Variants in SLC35F4 observed in about 807,000 individuals in gnomAD.
SLC35F4 encodes solute carrier family 35 member F4.
A neutral mutation model predicts 44.2 loss-of-function variants in SLC35F4; 24 were observed. That is an observed-to-expected ratio of 0.54 (90% CI 0.39 to 0.76). SLC35F4 has a LOEUF of 0.76. SLC35F4 is among the 30% of genes least tolerant of loss of function. SLC35F4 has a pLI of 0.00. For missense variants in SLC35F4, 562 were observed against 586.1 expected (o/e 0.96, Z 0.42); for synonymous variants, 238 against 223.6 (o/e 1.06, Z -0.57).
intron 1 of SLC35F4, among the ~76,000 whole-genome samples, chr14:57,852,899 T>C (rs1194129660): frequency 6.6e-6 from 1 of 152,126 alleles, no homozygotes; most frequent in African/African-American, 2.4e-5. Flanking sequence ...CATAAAGAAT[T>C]CTTCTTATGT....
chr14:57,880,048 GGAAGGAAGGAAGGAAGGAAGGA>G (rs1888493913), intron 1 of SLC35F4, among the ~76,000 whole-genome samples: 1 of 13,858 alleles, frequency 7.2e-5, no homozygotes, highest in African/African-American at 3.3e-4. Context: ...AAGGAAGGAA[GGAAGGAAGGAAGGAAGGAAGGA>G]AGGAAGGAAG....
chr14:57,762,193 A>C (rs1270868396), intron 1 of SLC35F4, among the ~76,000 whole-genome samples: 2 of 152,172 alleles, frequency 1.3e-5, no homozygotes, highest in Non-Finnish European at 2.9e-5. Flanking sequence ...GAAAACATGA[A>C]ACGCTGCCTC....
chr14:57,609,925 C>A lies in SLC35F4; in HGVS notation c.104-15801G>T, dbSNP rs561429826. 2.6e-5 allele frequency among the ~76,000 whole-genome samples: 4 copies of A among 152,268 alleles called. No individual in the cohort carries two copies. The East Asian group carries it at 7.7e-4, about 29-fold the overall frequency. On this transcript the variant is annotated intron_variant, in intron 1 of 7. Transcript: ENST00000556826. The stretch of plus-strand genomic sequence containing the variant: ...TTCCTAGCCTCCAGGAAACTGGCTG[C>A]CACATGCTCCCAGCCTCCAGGACTA...
rs1443659774 is a variant in SLC35F4 at position 57,726,652 on chromosome 14, CCTT to C, written c.104-132531_104-132529del. 3.9e-5 allele frequency among the ~76,000 whole-genome samples: 6 copies of C among 152,046 alleles called. No homozygotes were observed. In the East Asian group the frequency reaches 1.2e-3, roughly 29 times the overall value. On this transcript the variant is annotated intron_variant, in intron 1 of 7. Transcript: ENST00000556826. ...TATATTATTTTAGGTGTGATTGTGA[CCTT>C]ATTATTGTCTTTATTCAATGATTAT...
chr14:57,875,366 T>C (rs1888377919), intron 1 of SLC35F4, among the ~76,000 whole-genome samples: 3 of 152,212 alleles, frequency 2.0e-5, no homozygotes, highest in Admixed American at 2.0e-4. Flanking sequence ...GTCAAAATAG[T>C]AGTGTTATTG....
chr14:57,757,965 T>C (rs2077032903), intron 1 of SLC35F4, among the ~76,000 whole-genome samples: 1 of 151,646 alleles, frequency 6.6e-6, no homozygotes, highest in East Asian at 1.9e-4. Context: ...CTCCTTCATT[T>C]AGAAATTTTT....
intron 1 of SLC35F4, among the ~76,000 whole-genome samples, chr14:57,751,914 CT>C: frequency 2.4e-5 from 1 of 41,516 alleles, no homozygotes; most frequent in East Asian, 6.4e-4. Context: ...AAAAACATTT[CT>C]CTCTCTCTCT....
chr14:57,718,354 T>C (rs1092043), intron 1 of SLC35F4, among the ~76,000 whole-genome samples: 70,922 of 151,502 alleles, frequency 0.47, 16,932 homozygotes, highest in Non-Finnish European at 0.53. Context: ...CTTTTGAGTA[T>C]TTACCCAGCA....
At chr14:57,667,015 G>C (rs78527754) in intron 1 of SLC35F4, among the ~76,000 whole-genome samples, 13 of 151,448 alleles carry the variant, frequency 8.6e-5, no homozygotes, top group Admixed American at 7.2e-4. Context: ...GGGAGGAAGC[G>C]TGGGCAAAGG....
chr14:57,608,593 T>C (rs1412114761), intron 1 of SLC35F4, among the ~76,000 whole-genome samples: 1 of 152,182 alleles, frequency 6.6e-6, no homozygotes, highest in African/African-American at 2.4e-5. Context: ...GACAATACAT[T>C]TCTGTTGTTT....
chr14:57,966,512 T>C (rs1890441209), intron 1 of SLC35F4, among the ~76,000 whole-genome samples: 3 of 152,224 alleles, frequency 2.0e-5, no homozygotes. Flanking sequence ...AGTTTGATTC[T>C]GGTTGTGAAT....
At chr14:57,842,945 C>T (rs1249507001) in intron 1 of SLC35F4, among the ~76,000 whole-genome samples, 1 of 152,182 alleles carries the variant, frequency 6.6e-6, no homozygotes, top group South Asian at 2.1e-4. Flanking sequence ...AGCAGACTTG[C>T]TGAGTCTTCC....
At chr14:57,790,957 T>A (rs2077902747) in intron 1 of SLC35F4, among the ~76,000 whole-genome samples, 1 of 152,126 alleles carries the variant, frequency 6.6e-6, no homozygotes, top group Admixed American at 6.6e-5. Context: ...CTGGACCCAT[T>A]CCTTACACTT....
chr14:57,573,787 G>A (rs1450024160), intron 4 of SLC35F4, among the ~76,000 whole-genome samples: 1 of 152,194 alleles, frequency 6.6e-6, no homozygotes, highest in Non-Finnish European at 1.5e-5. Context: ...TAGTGTTCAT[G>A]TGCACAAATA....
intron 1 of SLC35F4, among the ~76,000 whole-genome samples, chr14:57,980,007 C>T (rs1320068004): frequency 2.0e-5 from 3 of 152,220 alleles, no homozygotes; most frequent in Non-Finnish European, 2.9e-5. Context: ...CTTCCTTCCT[C>T]ACCCACTCGG....
At chr14:57,961,016 C>G (rs1435899325) in intron 1 of SLC35F4, among the ~76,000 whole-genome samples, 1 of 152,140 alleles carries the variant, frequency 6.6e-6, no homozygotes. Flanking sequence ...CCGGAGCACA[C>G]GTGTGGTGCT....
chr14:57,793,951 C>T (rs1229331526), intron 1 of SLC35F4, among the ~76,000 whole-genome samples: 1 of 151,968 alleles, frequency 6.6e-6, no homozygotes. Context: ...CACAAAAACA[C>T]AAATTGAGGA....
At chr14:57,610,843 G>A (rs1374158155) in intron 1 of SLC35F4, among the ~76,000 whole-genome samples, 3 of 152,152 alleles carry the variant, frequency 2.0e-5, no homozygotes, top group Non-Finnish European at 4.4e-5. Context: ...ATGCAGACCC[G>A]AATTGATAAA....
At chr14:57,852,488 T>C (rs556736994) in intron 1 of SLC35F4, among the ~76,000 whole-genome samples, 1 of 152,224 alleles carries the variant, frequency 6.6e-6, no homozygotes, top group African/African-American at 2.4e-5. Flanking sequence ...AGGAATGGCA[T>C]GATCCAGTGA....
Sources: allele counts gnomAD v4.1 joint callset (sites outside exome capture counted in the v4.1 genomes callset), GRCh38; gene constraint gnomAD v4.1.1; transcripts MANE v1.5; gene names NCBI Gene and HGNC (gene_info 2026-07-23, HGNC 2026-07-21).